The following LAMA2 variants were observed in gnomAD, a reference collection of about 807,000 sequenced individuals.
LAMA2 encodes laminin subunit alpha 2.
LAMA2 carries 269 observed loss-of-function variants against 364.8 expected under a neutral mutation model. That is an observed-to-expected ratio of 0.74 (90% CI 0.67 to 0.82). The LOEUF is 0.82. LAMA2 is among the 40% of genes least tolerant of loss of function. The probability of loss-of-function intolerance (pLI) is 0.00; values close to 1 mark genes in which losing one functional copy is unlikely to be tolerated. For synonymous variants in LAMA2, 1,379 were observed against 1,370.6 expected, an observed-to-expected ratio of 1.01 and a Z score of -0.14; for missense variants, 3,807 against 3,873.2, an observed-to-expected ratio of 0.98 and a Z score of 0.45.
At chr6:129,171,108 T>C (rs1271255493) in intron 9 of LAMA2, among the ~76,000 whole-genome samples, 1 of 152,174 alleles carries the variant, frequency 6.6e-6, no homozygotes, top group African/African-American at 2.4e-5. Context: ...GGAACACTGA[T>C]GGGTCTTGAC....
chr6:129,445,772 T>A lies in LAMA2; in HGVS notation c.6380T>A (p.Ile2127Asn). The A allele has an allele frequency of 6.2e-7, 1 of 1,613,738 alleles. No homozygotes were observed. The highest frequency in any genetic ancestry group is 8.5e-7 in the Non-Finnish European group (1 of 1,179,740). ...KELEDNLKKN[I>N]SEIKELINQA... ...CTTGAGGATAACCTAAAGAAAAACA[T>A]CTCTGAGATAAAGGAATTGATAAAC... The change falls in exon 45 of 65, where the codon ATC becomes AAC. Residue 2127 changes from isoleucine to asparagine, a missense_variant. Ile to Asn is a moderately radical substitution (Grantham distance 149). This residue lies in a region of LAMA2 where 3,333 missense variants were observed against 3,345.7 expected (regional missense o/e 1.00). Coordinates refer to ENST00000421865, the MANE Select transcript of LAMA2 (RefSeq NM_000426.4).
At chr6:129,054,515 G>A (rs537645492) in intron 2 of LAMA2, among the ~76,000 whole-genome samples, 8 of 152,160 alleles carry the variant, frequency 5.3e-5, no homozygotes, top group African/African-American at 1.9e-4. Flanking sequence ...GGGAGGAGGT[G>A]CGAGTGTGTA....
intron 34 of LAMA2, among the ~76,000 whole-genome samples, chr6:129,379,512 C>T (rs368315661): frequency 2.8e-4 from 43 of 152,230 alleles, no homozygotes; most frequent in East Asian, 2.1e-3. Flanking sequence ...CACGTCTCCT[C>T]CTCTTCTGGA....
chr6:129,349,224 A>C, intron 30 of LAMA2, 74 bp from the exon 31 acceptor site: 5 of 1,166,738 alleles, frequency 4.3e-6, no homozygotes, highest in Non-Finnish European at 6.4e-6. Context: ...AATAACCTTG[A>C]TCATGGATAG....
rs577486252 is a variant in LAMA2 at position 129,313,801 on chromosome 6, G to A, written c.3411+704G>A. Among the ~76,000 whole-genome samples, 8 of 152,302 alleles carry A rather than the reference G, an allele frequency of 5.3e-5. No homozygotes were observed. In the South Asian group the frequency reaches 1.7e-3, roughly 32 times the overall value. On this transcript the variant is annotated intron_variant, in intron 23 of 64. Coordinates refer to ENST00000421865, the MANE Select transcript of LAMA2 (RefSeq NM_000426.4). Reference sequence around the variant, plus strand: ...ACAGGAAGATAAAATCTGGGTAGTGGTTGTTAAAATGGCCTTGAGAATTGA... The same window carrying A: ...ACAGGAAGATAAAATCTGGGTAGTGATTGTTAAAATGGCCTTGAGAATTGA...
At chr6:128,961,341 A>ATATATG in intron 1 of LAMA2, among the ~76,000 whole-genome samples, 1 of 51,120 alleles carries the variant, frequency 2.0e-5, no homozygotes, top group Non-Finnish European at 3.7e-5. Context: ...ATATATATAT[A>ATATATG]TATATATATA....
chr6:129,200,158 A>ATATATATACGTGTACACATATACATGTG (rs1782123325), intron 12 of LAMA2, among the ~76,000 whole-genome samples: 1 of 145,770 alleles, frequency 6.9e-6, no homozygotes, highest in Admixed American at 6.9e-5. Context: ...ACACGTGTAT[A>ATATATATACGTGTACACATATACATGTG]TATATATACG....
Position 129,144,002 on chromosome 6 carries a change from G to T in LAMA2, c.741G>T (p.Arg247Ser), listed in dbSNP as rs1778278498. The T allele has an allele frequency of 6.2e-7, 1 of 1,612,512 alleles. No homozygotes were observed. The highest frequency in any genetic ancestry group is 1.7e-5 in the Admixed American group (1 of 59,824). ...SARYIRLRFQ[R>S]IRTLNADLMM... ...GCTATATTCGCCTGAGATTTCAGAGGATCCGCACACTGAATGCTGACTTGA... is the reference window on the plus strand; with the variant it reads ...GCTATATTCGCCTGAGATTTCAGAGTATCCGCACACTGAATGCTGACTTGA... The change falls in exon 5 of 65, where the codon AGG becomes AGT. Residue 247 changes from arginine to serine, a missense_variant. Physicochemically the swap from Arg to Ser is moderately radical, Grantham distance 110. Transcript: ENST00000421865.
chr6:128,912,226 A>G (rs368695074), intron 1 of LAMA2, among the ~76,000 whole-genome samples: 5 of 152,350 alleles, frequency 3.3e-5, no homozygotes, highest in African/African-American at 1.2e-4. Flanking sequence ...TGTTTTCTAA[A>G]TGAAGGCATG....
intron 1 of LAMA2, among the ~76,000 whole-genome samples, chr6:129,006,505 A>G (rs1443909976): frequency 1.3e-5 from 2 of 152,104 alleles, no homozygotes; most frequent in Non-Finnish European, 2.9e-5. Context: ...CCATTCACCC[A>G]TTTATCCACA....
At chr6:129,171,426 G>A (rs376934082) in intron 9 of LAMA2, among the ~76,000 whole-genome samples, 11,119 of 150,542 alleles carry the variant, frequency 0.074, 827 homozygotes, top group African/African-American at 0.19. Flanking sequence ...TTTCTCCTTC[G>A]CTTATGAAGC....
chr6:129,510,532 G>A (rs1786488664), intron 62 of LAMA2, among the ~76,000 whole-genome samples: 1 of 152,018 alleles, frequency 6.6e-6, no homozygotes, highest in Admixed American at 6.6e-5. Context: ...AAACTAATAA[G>A]CACATAATAT....
At chr6:129,062,624 C>T (rs1023850354) in intron 3 of LAMA2, among the ~76,000 whole-genome samples, 1 of 152,026 alleles carries the variant, frequency 6.6e-6, no homozygotes, top group Non-Finnish European at 1.5e-5. Context: ...CTACCTACCG[C>T]ATGAAGGATT....
intron 1 of LAMA2, among the ~76,000 whole-genome samples, chr6:129,012,107 T>A (rs1303633984): frequency 1.3e-5 from 2 of 152,236 alleles, no homozygotes; most frequent in Non-Finnish European, 2.9e-5. Context: ...CTGTACCTTG[T>A]CTTTCTGCAA....
chr6:129,464,910 G>A (rs560406210), intron 50 of LAMA2, among the ~76,000 whole-genome samples: 2 of 152,016 alleles, frequency 1.3e-5, no homozygotes, highest in East Asian at 1.9e-4. Flanking sequence ...TTTTACGACT[G>A]TAATAAAAGG....
chr6:129,221,685 A>G (rs1583282035), intron 12 of LAMA2, among the ~76,000 whole-genome samples: 1 of 118,472 alleles, frequency 8.4e-6, no homozygotes, highest in South Asian at 2.3e-4. Context: ...ACTTGACATT[A>G]TCTTTTAAAG....
intron 1 of LAMA2, among the ~76,000 whole-genome samples, chr6:129,014,598 C>A (rs1048377517): frequency 6.6e-6 from 1 of 151,982 alleles, no homozygotes; most frequent in African/African-American, 2.4e-5. Context: ...AGAAAGATGT[C>A]CTTCATTCTG....
intron 10 of LAMA2, among the ~76,000 whole-genome samples, chr6:129,181,456 G>A (rs1454111472): frequency 6.6e-6 from 1 of 151,384 alleles, no homozygotes; most frequent in African/African-American, 2.4e-5. Flanking sequence ...AAACAAAGAA[G>A]GAATAGAAAA....
chr6:128,901,575 A>G (rs1370997795), intron 1 of LAMA2, among the ~76,000 whole-genome samples: 4 of 152,236 alleles, frequency 2.6e-5, no homozygotes, highest in African/African-American at 7.2e-5. Flanking sequence ...AATGTGAAGC[A>G]TATGACACCA....
Sources: allele counts gnomAD v4.1 joint callset (sites outside exome capture counted in the v4.1 genomes callset), GRCh38; gene constraint gnomAD v4.1.1; regional missense constraint gnomAD v4.1.1; transcripts MANE v1.5; gene names NCBI Gene and HGNC (gene_info 2026-07-23, HGNC 2026-07-21).